RHOBTB3: variants seen among roughly 807,000 people sequenced by gnomAD.
RHOBTB3 encodes Rho related BTB domain containing 3.
RHOBTB3 carries 47 observed loss-of-function variants against 67.2 expected under a neutral mutation model. That is an observed-to-expected ratio of 0.70 (90% CI 0.55 to 0.89). RHOBTB3 has a LOEUF of 0.89. Among genes scored for constraint, RHOBTB3 ranks in the 40% least tolerant of loss-of-function variants. The pLI, the probability that RHOBTB3 is intolerant of heterozygous loss-of-function variation, is 0.00. For synonymous variants in RHOBTB3, 273 were observed against 274.2 expected (o/e 1.00, Z 0.04); for missense variants, 631 against 750.0 (o/e 0.84, Z 1.85).
intron 2 of RHOBTB3, among the ~76,000 whole-genome samples, chr5:95,733,274 G>A (rs1322068589): frequency 6.6e-6 from 1 of 152,186 alleles, no homozygotes; most frequent in East Asian, 1.9e-4. Context: ...AAGTATTGAT[G>A]GAGAACTTAC....
chr5:95,774,653 A>C (rs566594233), intron 8 of RHOBTB3, among the ~76,000 whole-genome samples: 1 of 152,190 alleles, frequency 6.6e-6, no homozygotes, highest in Non-Finnish European at 1.5e-5. Flanking sequence ...ATGAAATTGT[A>C]TATGTCCAGA....
At chr5:95,774,150 A>T (rs1261400509) in intron 8 of RHOBTB3, among the ~76,000 whole-genome samples, 1 of 152,208 alleles carries the variant, frequency 6.6e-6, no homozygotes, top group African/African-American at 2.4e-5. Flanking sequence ...CCATATTATG[A>T]ACATTTTTTT....
intron 8 of RHOBTB3, among the ~76,000 whole-genome samples, chr5:95,774,719 A>G (rs1316128445): frequency 6.6e-6 from 1 of 152,134 alleles, no homozygotes; most frequent in East Asian, 1.9e-4. Context: ...TTGTTTTCAT[A>G]CAAACAAATC....
chr5:95,792,279 C>T (rs1011362032), intron 11 of RHOBTB3, among the ~76,000 whole-genome samples: 3 of 151,536 alleles, frequency 2.0e-5, no homozygotes, highest in Admixed American at 6.6e-5. Flanking sequence ...CCCAGCTACT[C>T]GGGAGGCTGA....
intron 5 of RHOBTB3, among the ~76,000 whole-genome samples, chr5:95,753,454 CTG>C (rs1341114231): frequency 6.6e-6 from 1 of 152,062 alleles, no homozygotes; most frequent in Non-Finnish European, 1.5e-5. Context: ...ATTATATCAA[CTG>C]TTATCAGAAT....
In RHOBTB3 at chr5:95,780,348, T is replaced by G. The variant is rs1301203105; in HGVS notation, c.1379T>G (p.Leu460Arg). The part of the protein sequence containing the change: ...NGNYMEAKSV[L>R]IPVYGVSKET... ...AATTACATGGAAGCAAAGAGTGTCC[T>G]GATTCCCGTTTATGGTGTTTCCAAA... The change falls in exon 9 of 12, where the codon CTG becomes CGG. Residue 460 changes from leucine to arginine, a missense_variant. Coordinates refer to ENST00000379982, the MANE Select transcript of RHOBTB3 (RefSeq NM_014899.4). 6.2e-7 allele frequency: 1 copy of G among 1,613,986 alleles called. No individual in the cohort carries two copies. Among genetic ancestry groups the G allele is most frequent in the African/African-American group, 1.3e-5 (1 of 74,942 alleles).
chr5:95,732,923 G>A (rs566552241), intron 2 of RHOBTB3, among the ~76,000 whole-genome samples: 4 of 152,144 alleles, frequency 2.6e-5, no homozygotes, highest in Non-Finnish European at 4.4e-5. Context: ...TTGGAGTTAC[G>A]TATGTTTCAG....
intron 2 of RHOBTB3, 110 bp downstream of exon 2, chr5:95,732,194 G>A (rs1755300687): frequency 2.1e-6 from 2 of 960,182 alleles, no homozygotes; most frequent in Non-Finnish European, 3.3e-6. Flanking sequence ...CGCGTTACAT[G>A]GGTCAAATTT....
chr5:95,770,002 A>G, intron 8 of RHOBTB3: 1 of 405,756 alleles, frequency 2.5e-6, no homozygotes, highest in Non-Finnish European at 4.9e-6. Flanking sequence ...TTGGTGGTGC[A>G]GTGTTTGGAG....
chr5:95,780,383 T>G lies in RHOBTB3; in HGVS notation c.1414T>G (p.Leu472Val), dbSNP rs778114482. Residue 472 changes from leucine to valine, a missense_variant, in exon 9 of 12, where the codon TTG becomes GTG. Coordinates refer to ENST00000379982, the MANE Select transcript of RHOBTB3 (RefSeq NM_014899.4). ...TTATGGTGTTTCCAAAGAGACTTTC[T>G]TGTCATTTTTAGAATACCTGTACAC... ...PVYGVSKETFLSFLEYLYTDS... is the reference protein window; with the variant it reads ...PVYGVSKETFVSFLEYLYTDS... 3 of 1,614,096 alleles carry G rather than the reference T, an allele frequency of 1.9e-6. No homozygotes were observed. Among genetic ancestry groups the G allele is most frequent in the Non-Finnish European group, 2.5e-6 (3 of 1,179,942 alleles).
At chr5:95,725,375 G>A (rs1213617596) in intron 1 of RHOBTB3, among the ~76,000 whole-genome samples, 1 of 152,230 alleles carries the variant, frequency 6.6e-6, no homozygotes, top group Admixed American at 6.5e-5. Context: ...AATGCACATA[G>A]AGGTTGTAAA....
Position 95,737,009 on chromosome 5 carries a change from C to G in RHOBTB3, c.349C>G (p.Pro117Ala). The change falls in exon 3 of 12, where the codon CCA (proline) becomes GCA (alanine). Residue 117 changes from proline to alanine, a missense_variant. Coordinates refer to ENST00000379982, the MANE Select transcript of RHOBTB3 (RefSeq NM_014899.4). Reference sequence around the variant, plus strand: ...CCATGAAGTAAAGGATAATTATATTCCAGTGATAAAAAGAGCATTAAATTC... The same window carrying G: ...CCATGAAGTAAAGGATAATTATATTGCAGTGATAAAAAGAGCATTAAATTC... ...SFHEVKDNYI[P>A]VIKRALNSVP... The G allele has an allele frequency of 6.2e-7, 1 of 1,604,476 alleles. No individual in the cohort carries two copies. Among genetic ancestry groups the G allele is most frequent in the Non-Finnish European group, 8.5e-7 (1 of 1,171,866 alleles).
At chr5:95,766,595 TTA>T (rs1745549397) in intron 7 of RHOBTB3, among the ~76,000 whole-genome samples, 1 of 142,648 alleles carries the variant, frequency 7.0e-6, no homozygotes. Context: ...AGACTAAAAT[TTA>T]AAAAAAAAAA....
upstream of RHOBTB3, among the ~76,000 whole-genome samples, chr5:95,726,382 G>A (rs115557945): frequency 6.7e-3 from 1,016 of 152,292 alleles, 5 homozygotes; most frequent in Non-Finnish European, 0.01. Flanking sequence ...GTATTGACTT[G>A]TATATAGTAC....
At chr5:95,753,239 G>A (rs757297716) in intron 5 of RHOBTB3, among the ~76,000 whole-genome samples, 311 of 138,482 alleles carry the variant, frequency 2.2e-3, no homozygotes, top group Non-Finnish European at 3.9e-3. Flanking sequence ...GTGGATGTGT[G>A]TGTGTGTGTG....
chr5:95,787,839 T>A (rs892600208), intron 10 of RHOBTB3, among the ~76,000 whole-genome samples: 5 of 152,202 alleles, frequency 3.3e-5, no homozygotes, highest in African/African-American at 1.2e-4. Flanking sequence ...GGTGCTAGGA[T>A]CTGATAGGGA....
chr5:95,747,259 C>A, intron 3 of RHOBTB3, among the ~76,000 whole-genome samples: 1 of 152,180 alleles, frequency 6.6e-6, no homozygotes, highest in East Asian at 1.9e-4. Flanking sequence ...AGCTCCAGAG[C>A]CCCCTGTAGG....
chr5:95,761,661 A>C (rs993138682), intron 6 of RHOBTB3, among the ~76,000 whole-genome samples: 4 of 152,206 alleles, frequency 2.6e-5, no homozygotes, highest in African/African-American at 9.6e-5. Context: ...CACTGATGCC[A>C]GGGGCTTCAG....
intron 1 of RHOBTB3, among the ~76,000 whole-genome samples, chr5:95,722,775 G>A (rs924232101): frequency 5.9e-5 from 9 of 152,138 alleles, no homozygotes; most frequent in Non-Finnish European, 1.2e-4. Context: ...GAGCCACTGC[G>A]CCCAGCCTAA....
Sources: gnomAD v4.1 joint callset for allele counts (sites outside exome capture counted in the v4.1 genomes callset) on GRCh38, gnomAD v4.1.1 for gene constraint, MANE v1.5 for transcripts, NCBI Gene and HGNC (gene_info 2026-07-23, HGNC 2026-07-21) for gene names.